Variants in LINC00305 observed in about 807,000 individuals in gnomAD.
LINC00305 encodes long independently transcribed non-coding RNA 305.
chr18:64,097,829 C>G (rs1311196925), intron 3 of LINC00305: 2 of 455,928 alleles, frequency 4.4e-6, no homozygotes, highest in Non-Finnish European at 4.4e-6. Flanking sequence ...AAATATTGAA[C>G]TTACCTTTAT....
chr18:64,126,818 T>A (rs1377802791), intron 1 of LINC00305, among the ~76,000 whole-genome samples: 1 of 152,152 alleles, frequency 6.6e-6, no homozygotes, highest in African/African-American at 2.4e-5. Flanking sequence ...TAACTACTCT[T>A]GATTTAGGAT....
At chr18:64,108,177 CA>C (rs1407354509) in intron 1 of LINC00305, among the ~76,000 whole-genome samples, 2 of 152,084 alleles carry the variant, frequency 1.3e-5, no homozygotes, top group African/African-American at 4.8e-5. Context: ...TCCAACTCTA[CA>C]AATTGAAGAA....
chr18:64,129,296 CTTA>C (rs2051398937), intron 1 of LINC00305, among the ~76,000 whole-genome samples: 1 of 152,074 alleles, frequency 6.6e-6, no homozygotes, highest in African/African-American at 2.4e-5. Flanking sequence ...TGTCTTTCCT[CTTA>C]AATGACTGAT....
intron 1 of LINC00305, among the ~76,000 whole-genome samples, chr18:64,142,749 A>G (rs965180215): frequency 1.6e-4 from 24 of 152,056 alleles, no homozygotes; most frequent in African/African-American, 5.6e-4. Context: ...TAACCCCAGG[A>G]ACCTTGTATA....
chr18:64,103,234 T>A (rs1351679036), intron 1 of LINC00305, among the ~76,000 whole-genome samples: 1 of 152,214 alleles, frequency 6.6e-6, no homozygotes, highest in Non-Finnish European at 1.5e-5. Context: ...GCTACTAATC[T>A]CCTCTGTCCT....
chr18:64,100,143 T>C (rs916890520), intron 1 of LINC00305, among the ~76,000 whole-genome samples: 10 of 152,132 alleles, frequency 6.6e-5, no homozygotes, highest in African/African-American at 2.4e-4. Context: ...CATTAAATAT[T>C]GTTTTTTTTT....
intron 1 of LINC00305, among the ~76,000 whole-genome samples, chr18:64,140,539 G>A (rs1260908546): frequency 6.6e-6 from 1 of 152,008 alleles, no homozygotes; most frequent in African/African-American, 2.4e-5. Context: ...TTCCCTACAT[G>A]GTAGAGACCG....
chr18:64,132,453 C>T (rs9949690), intron 1 of LINC00305, among the ~76,000 whole-genome samples: 24,677 of 152,148 alleles, frequency 0.16, 2,086 homozygotes, highest in African/African-American at 0.19. Flanking sequence ...CTGTTTCAAG[C>T]GCTCTGCCGA....
At chr18:64,097,238 C>T (rs1440613837) in intron 3 of LINC00305, among the ~76,000 whole-genome samples, 7 of 152,018 alleles carry the variant, frequency 4.6e-5, no homozygotes, top group Non-Finnish European at 1.0e-4. Context: ...TTTAAAGATG[C>T]TAATAGCTGA....
At chr18:64,141,679 C>T (rs888958265) in intron 1 of LINC00305, among the ~76,000 whole-genome samples, 1 of 152,164 alleles carries the variant, frequency 6.6e-6, no homozygotes, top group Non-Finnish European at 1.5e-5. Flanking sequence ...AATATGATAA[C>T]TCAACTCTCT....
chr18:64,090,657 G>A (rs1305497061), intron 3 of LINC00305, among the ~76,000 whole-genome samples: 1 of 152,188 alleles, frequency 6.6e-6, no homozygotes, highest in Admixed American at 6.5e-5. Flanking sequence ...TAATTGTACT[G>A]AAATATGAAG....
At chr18:64,092,235 T>C (rs1350161504) in intron 3 of LINC00305, among the ~76,000 whole-genome samples, 2 of 152,216 alleles carry the variant, frequency 1.3e-5, no homozygotes, top group African/African-American at 4.8e-5. Flanking sequence ...CTTTCATTAC[T>C]TTTTCTCCCG....
At chr18:64,139,365 G>C (rs1283636982) in intron 1 of LINC00305, 1 of 152,160 alleles carries the variant, frequency 6.6e-6, no homozygotes. Flanking sequence ...GTAGGAAACG[G>C]GTACTAGGTA....
intron 1 of LINC00305, among the ~76,000 whole-genome samples, chr18:64,115,029 C>T (rs534987207): frequency 1.2e-4 from 18 of 152,156 alleles, no homozygotes; most frequent in Non-Finnish European, 1.9e-4. Flanking sequence ...ACCCATTTGT[C>T]GTCAGCCCTC....
intron 1 of LINC00305, among the ~76,000 whole-genome samples, chr18:64,141,543 C>T (rs543546428): frequency 5.9e-5 from 9 of 152,116 alleles, no homozygotes; most frequent in Non-Finnish European, 1.0e-4. Flanking sequence ...TTCCATCATT[C>T]GCAGGCCCAG....
chr18:64,118,003 T>C (rs1361164071), intron 1 of LINC00305, among the ~76,000 whole-genome samples: 4 of 152,210 alleles, frequency 2.6e-5, no homozygotes, highest in Admixed American at 2.6e-4. Context: ...ACCCATCTTA[T>C]GGAGATTTTC....
intron 1 of LINC00305, among the ~76,000 whole-genome samples, chr18:64,101,511 T>C (rs1456563779): frequency 6.6e-6 from 1 of 152,236 alleles, no homozygotes; most frequent in Non-Finnish European, 1.5e-5. Context: ...TGGTATTTTC[T>C]CTGTGTCTCT....
At chr18:64,087,367 C>T (rs1280956922) in intron 3 of LINC00305, among the ~76,000 whole-genome samples, 14 of 152,082 alleles carry the variant, frequency 9.2e-5, no homozygotes. Flanking sequence ...AATCATCAAG[C>T]CATTAGCAGC....
At chr18:64,130,835 T>C (rs2051406378) in intron 1 of LINC00305, among the ~76,000 whole-genome samples, 1 of 152,158 alleles carries the variant, frequency 6.6e-6, no homozygotes. Context: ...TTAAGAAAGA[T>C]TGAGATGTTC....
Sources: allele counts gnomAD v4.1 joint callset (sites outside exome capture counted in the v4.1 genomes callset), GRCh38; gene constraint gnomAD v4.1.1; transcripts MANE v1.5; gene names NCBI Gene and HGNC (gene_info 2026-07-23, HGNC 2026-07-21).